The following MLLT3 variants were observed in gnomAD, a reference collection of about 807,000 sequenced individuals.
MLLT3 encodes MLLT3 super elongation complex subunit, also known as protein AF-9.
Under a neutral mutation model 53.2 loss-of-function variants are expected in MLLT3, and 4 were observed. That is an observed-to-expected ratio of 0.08 (90% CI 0.04 to 0.17). MLLT3 has a LOEUF of 0.17. Among genes scored for constraint, MLLT3 ranks in the 10% least tolerant of loss-of-function variants. The pLI, the probability that MLLT3 is intolerant of heterozygous loss-of-function variation, is 1.00. For synonymous variants in MLLT3, 283 were observed against 230.6 expected, an observed-to-expected ratio of 1.23 and a Z score of -2.06; for missense variants, 569 against 684.0, an observed-to-expected ratio of 0.83 and a Z score of 1.87.
At chr9:20,415,673 A>C (rs1439418943) in intron 4 of MLLT3, among the ~76,000 whole-genome samples, 1 of 152,118 alleles carries the variant, frequency 6.6e-6, no homozygotes, top group African/African-American at 2.4e-5. Flanking sequence ...CCAATCCTAT[A>C]TTCCTTAAAT....
At chr9:20,422,964 C>T (rs1823051005) in intron 4 of MLLT3, among the ~76,000 whole-genome samples, 1 of 152,010 alleles carries the variant, frequency 6.6e-6, no homozygotes, top group Admixed American at 6.5e-5. Context: ...ATTATTAGCC[C>T]CAATTTATAA....
At chr9:20,419,571 G>C (rs1487782967) in intron 4 of MLLT3, among the ~76,000 whole-genome samples, 1 of 149,218 alleles carries the variant, frequency 6.7e-6, no homozygotes, top group Non-Finnish European at 1.5e-5. Context: ...TATCCAGAAA[G>C]AATAATTACT....
chr9:20,537,438 C>G (rs1345248789), intron 2 of MLLT3, among the ~76,000 whole-genome samples: 1 of 152,062 alleles, frequency 6.6e-6, no homozygotes, highest in East Asian at 1.9e-4. Flanking sequence ...TTTTTATTTT[C>G]CTACAGATGA....
intron 4 of MLLT3, among the ~76,000 whole-genome samples, chr9:20,428,911 A>G (rs1157675471): frequency 6.6e-6 from 1 of 152,162 alleles, no homozygotes; most frequent in African/African-American, 2.4e-5. Context: ...AACTTACCAA[A>G]GCTGACTCCC....
chr9:20,473,290 G>A (rs772568419), intron 2 of MLLT3, among the ~76,000 whole-genome samples: 4 of 151,864 alleles, frequency 2.6e-5, no homozygotes, highest in African/African-American at 7.3e-5. Flanking sequence ...TAATTACATC[G>A]TTTTCTAAAA....
chr9:20,527,954 G>A (rs1211233887), intron 2 of MLLT3, among the ~76,000 whole-genome samples: 7 of 152,164 alleles, frequency 4.6e-5, no homozygotes, highest in Non-Finnish European at 5.9e-5. Flanking sequence ...TTACACCTTA[G>A]AACCAAGAAA....
chr9:20,597,554 G>A (rs1213526507), intron 2 of MLLT3, among the ~76,000 whole-genome samples: 1 of 152,040 alleles, frequency 6.6e-6, no homozygotes, highest in East Asian at 1.9e-4. Flanking sequence ...CCATACAAAT[G>A]AGGTTCATCC....
chr9:20,427,512 GA>G (rs1823166465), intron 4 of MLLT3, among the ~76,000 whole-genome samples: 1 of 151,758 alleles, frequency 6.6e-6, no homozygotes, highest in African/African-American at 2.4e-5. Flanking sequence ...TAGAGACCCA[GA>G]AAGAATAAAG....
At chr9:20,362,428 G>A (rs1352573057) in intron 7 of MLLT3, among the ~76,000 whole-genome samples, 2 of 152,116 alleles carry the variant, frequency 1.3e-5, no homozygotes, top group Admixed American at 1.3e-4. Context: ...TCCATTTTGA[G>A]GTCTTTTTTC....
intron 2 of MLLT3, among the ~76,000 whole-genome samples, chr9:20,561,213 T>C (rs1391058096): frequency 6.6e-6 from 1 of 152,182 alleles, no homozygotes; most frequent in Admixed American, 6.5e-5. Context: ...AATGGAGCAC[T>C]GTATTAAAAA....
rs1040374859 is a variant in MLLT3 at position 20,538,603 on chromosome 9, A to T, written c.194-81817T>A. On this transcript the variant is annotated intron_variant, in intron 2 of 10. Coordinates refer to ENST00000380338, the MANE Select transcript of MLLT3 (RefSeq NM_004529.4). The stretch of plus-strand genomic sequence containing the variant: ...TCCAAACATGCTTGAGATAAAAGAG[A>T]AAAGAAGGAAATTCCCTTACACTTC... Among the ~76,000 whole-genome samples the T allele has an allele frequency of 2.0e-5, 3 of 152,350 alleles. No homozygotes were observed. In the East Asian group the frequency reaches 5.8e-4, roughly 29 times the overall value.
At chr9:20,462,783 C>T (rs1824142630) in intron 2 of MLLT3, among the ~76,000 whole-genome samples, 1 of 152,076 alleles carries the variant, frequency 6.6e-6, no homozygotes, top group Admixed American at 6.6e-5. Context: ...TTCCTTATCC[C>T]AGACCATCAT....
rs1820994232 is a variant in MLLT3, at chr9:20,621,160, G to A, written c.13-326C>T. 6.6e-6 allele frequency among the ~76,000 whole-genome samples: 1 copy of A among 152,206 alleles called. No individual in the cohort carries two copies. Among genetic ancestry groups the A allele is most frequent in the African/African-American group, 2.4e-5 (1 of 41,456 alleles). On this transcript the variant is annotated intron_variant, in intron 1 of 10. Coordinates refer to ENST00000380338, the MANE Select transcript of MLLT3 (RefSeq NM_004529.4). The surrounding 1 kb of genome is among the most constrained non-coding windows in gnomAD (Gnocchi z 7.0). Reference sequence around the variant, plus strand: ...AGCCACGACAAGCACGACAACAAATGCATCGGAAACAAATCAGAAGGCGAT... The same window carrying A: ...AGCCACGACAAGCACGACAACAAATACATCGGAAACAAATCAGAAGGCGAT...
chr9:20,555,881 ATTC>A (rs1196506206), intron 2 of MLLT3, among the ~76,000 whole-genome samples: 1 of 152,254 alleles, frequency 6.6e-6, no homozygotes, highest in East Asian at 1.9e-4. Flanking sequence ...AGGAGCATCC[ATTC>A]TTTAAGCCAT....
intron 4 of MLLT3, among the ~76,000 whole-genome samples, chr9:20,443,045 A>G (rs527569266): frequency 6.6e-6 from 1 of 152,206 alleles, no homozygotes; most frequent in African/African-American, 2.4e-5. Context: ...CCAGTGATTC[A>G]GAAATAGGAC....
intron 4 of MLLT3, among the ~76,000 whole-genome samples, chr9:20,420,425 T>C (rs1417547501): frequency 6.6e-6 from 1 of 152,144 alleles, no homozygotes. Flanking sequence ...ATCAGCTAAA[T>C]GCCCCCAAAA....
chr9:20,555,606 T>C (rs1317624999), intron 2 of MLLT3, among the ~76,000 whole-genome samples: 1 of 152,206 alleles, frequency 6.6e-6, no homozygotes. Flanking sequence ...CATCTTCAAC[T>C]TCCTTGTAAA....
At chr9:20,544,327 T>C (rs1165390229) in intron 2 of MLLT3, among the ~76,000 whole-genome samples, 2 of 151,964 alleles carry the variant, frequency 1.3e-5, no homozygotes, top group African/African-American at 2.4e-5. Context: ...TATACCACGC[T>C]CACAAACTTC....
chr9:20,357,522 CA>C (rs1821199809), intron 8 of MLLT3, among the ~76,000 whole-genome samples: 1 of 152,146 alleles, frequency 6.6e-6, no homozygotes, highest in Admixed American at 6.5e-5. Context: ...GACAAACGTT[CA>C]AGATTATATT....
Sources: gnomAD v4.1 joint callset for allele counts (sites outside exome capture counted in the v4.1 genomes callset) on GRCh38, gnomAD v4.1.1 for gene constraint, Gnocchi (gnomAD v3.1) non-coding constraint, MANE v1.5 for transcripts, NCBI Gene and HGNC (gene_info 2026-07-23, HGNC 2026-07-21) for gene names.